Variants in BASP1 observed in about 807,000 individuals in gnomAD.
The protein encoded by BASP1 is brain abundant membrane attached signal protein 1, also known as brain acid soluble protein 1.
BASP1 carries 1 observed loss-of-function variant against 2.2 expected under a neutral mutation model. The ratio of observed to expected loss-of-function variants is 0.46; its 90% CI spans 0.16 to 2.17. The LOEUF is 2.17. Ranked by LOEUF, BASP1 falls within the 30% of genes most tolerant of loss-of-function variation. The pLI, the probability that BASP1 is intolerant of heterozygous loss-of-function variation, is 0.27. For missense variants in BASP1, 352 were observed against 327.2 expected, an observed-to-expected ratio of 1.08 and a Z score of -0.58; for synonymous variants, 187 against 154.2, an observed-to-expected ratio of 1.21 and a Z score of -1.58.
intron 1 of BASP1, among the ~76,000 whole-genome samples, chr5:17,229,172 G>C: frequency 6.6e-6 from 1 of 152,326 alleles, no homozygotes; most frequent in Middle Eastern, 3.4e-3. Context: ...TTAGTGTGAG[G>C]TTTAACTGGC....
chr5:17,236,826 A>G lies in BASP1; in HGVS notation c.-10+19016A>G, dbSNP rs566568520. Among the ~76,000 whole-genome samples, 1 of 152,354 alleles carries G rather than the reference A, an allele frequency of 6.6e-6. No homozygotes were observed. The highest frequency in any genetic ancestry group is 2.4e-5 in the African/African-American group (1 of 41,590). On this transcript the variant is annotated intron_variant, in intron 1 of 1. Coordinates refer to ENST00000322611, the MANE Select transcript of BASP1 (RefSeq NM_006317.5). This position sits in a 1 kb window ranked among gnomAD's most constrained non-coding sequence, Gnocchi z 4.0. ...TATCTTAAGGGAAAAAAATGTTTTT[A>G]GTACTTTTCTTGGTATCTTCTAATC...
intron 1 of BASP1, among the ~76,000 whole-genome samples, chr5:17,230,736 G>A (rs939012167): frequency 1.3e-5 from 2 of 151,896 alleles, no homozygotes; most frequent in African/African-American, 2.4e-5. Flanking sequence ...GCTAATTTTT[G>A]TCTTTTGTTT....
chr5:17,264,432 A>G (rs1350662074), intron 1 of BASP1, among the ~76,000 whole-genome samples: 1 of 152,218 alleles, frequency 6.6e-6, no homozygotes, highest in East Asian at 1.9e-4. Flanking sequence ...TGTTACTTAA[A>G]AAAAATTGTT....
At chr5:17,231,478 C>A (rs532099493) in intron 1 of BASP1, among the ~76,000 whole-genome samples, 1 of 152,232 alleles carries the variant, frequency 6.6e-6, no homozygotes, top group East Asian at 1.9e-4. Flanking sequence ...AATAAAACAC[C>A]GGCTCTCAGC....
At position 17,226,513 on chromosome 5, in the gene BASP1, C is replaced by T. The variant is rs571964258; in HGVS notation, c.-10+8703C>T. Among the ~76,000 whole-genome samples the T allele has an allele frequency of 1.6e-4, 25 of 152,290 alleles. No individual in the cohort carries two copies. The South Asian group carries it at 3.5e-3, about 21-fold the overall frequency. ...GTATCAAAAGGGGGAAAACAGTATC[C>T]ACTGACAGAGAGAACTAGCTGTTTC... On this transcript the variant is annotated intron_variant, in intron 1 of 1. Transcript: ENST00000322611.
At position 17,275,188 on chromosome 5, in the gene BASP1, T is replaced by C. The variant is rs1740607493; in HGVS notation, c.-9-20T>C. On this transcript the variant is annotated intron_variant, in intron 1 of 1. Transcript: ENST00000322611. The surrounding 1 kb of genome is among the most constrained non-coding windows in gnomAD (Gnocchi z 5.3). ...TTGCCTAGTAACCGCCGTTTTGTTTTGTTTTGTGTTTGCTTCCAGAACTCC... is the reference window on the plus strand; with the variant it reads ...TTGCCTAGTAACCGCCGTTTTGTTTCGTTTTGTGTTTGCTTCCAGAACTCC... The C allele has an allele frequency of 1.2e-6, 2 of 1,610,966 alleles. No homozygotes were observed. Among genetic ancestry groups the C allele is most frequent in the Non-Finnish European group, 8.5e-7 (1 of 1,179,194 alleles).
At chr5:17,258,685 C>G (rs1172400609) in intron 1 of BASP1, among the ~76,000 whole-genome samples, 1 of 152,166 alleles carries the variant, frequency 6.6e-6, no homozygotes, top group Non-Finnish European at 1.5e-5. Context: ...ATCCCCAAGT[C>G]TGGGGATGAA....
At chr5:17,269,769 C>T (rs1740493465) in intron 1 of BASP1, among the ~76,000 whole-genome samples, 1 of 152,160 alleles carries the variant, frequency 6.6e-6, no homozygotes, top group Non-Finnish European at 1.5e-5. Flanking sequence ...AACAAAATGA[C>T]ATTTGACAAT....
intron 1 of BASP1, among the ~76,000 whole-genome samples, chr5:17,256,755 C>G (rs993368599): frequency 1.3e-5 from 2 of 152,132 alleles, no homozygotes; most frequent in African/African-American, 4.8e-5. Context: ...GAGTGATTCT[C>G]TAAGCCTATA....
At chr5:17,263,878 G>A (rs1041004484) in intron 1 of BASP1, among the ~76,000 whole-genome samples, 1 of 152,170 alleles carries the variant, frequency 6.6e-6, no homozygotes, top group African/African-American at 2.4e-5. Context: ...TTAGACATGG[G>A]TTGGCACCTC....
chr5:17,250,243 G>A (rs964797146), intron 1 of BASP1, among the ~76,000 whole-genome samples: 2 of 152,142 alleles, frequency 1.3e-5, no homozygotes, highest in Non-Finnish European at 2.9e-5. Flanking sequence ...CACCGCGCCC[G>A]GCCCTGATTT....
At chr5:17,239,519 G>C (rs1322351809) in intron 1 of BASP1, among the ~76,000 whole-genome samples, 2 of 152,186 alleles carry the variant, frequency 1.3e-5, no homozygotes, top group African/African-American at 4.8e-5. Context: ...ACATGGAACA[G>C]AAGGCCATAT....
chr5:17,248,053 C>T (rs1740029838), intron 1 of BASP1, among the ~76,000 whole-genome samples: 1 of 152,202 alleles, frequency 6.6e-6, no homozygotes, highest in Non-Finnish European at 1.5e-5. Context: ...CATTTCCATT[C>T]AAACACTTGA....
At chr5:17,247,836 A>G (rs1285978844) in intron 1 of BASP1, among the ~76,000 whole-genome samples, 1 of 152,228 alleles carries the variant, frequency 6.6e-6, no homozygotes, top group African/African-American at 2.4e-5. Context: ...CAGAGGATAA[A>G]TGTACTGCAG....
intron 1 of BASP1, among the ~76,000 whole-genome samples, chr5:17,256,095 G>C (rs1317389370): frequency 2.6e-5 from 4 of 152,158 alleles, no homozygotes; most frequent in Non-Finnish European, 5.9e-5. Flanking sequence ...TGCATGACTT[G>C]CCTGCACCCC....
chr5:17,255,897 G>A (rs1046716489), intron 1 of BASP1, among the ~76,000 whole-genome samples: 9 of 152,072 alleles, frequency 5.9e-5, no homozygotes, highest in Non-Finnish European at 7.4e-5. Context: ...ATTTAGCAAC[G>A]TCCTGCACAC....
chr5:17,265,870 A>G (rs916729513), intron 1 of BASP1, among the ~76,000 whole-genome samples: 1 of 152,226 alleles, frequency 6.6e-6, no homozygotes, highest in African/African-American at 2.4e-5. Context: ...CCCAAACCCA[A>G]AGAATGCATA....
chr5:17,218,922 C>G lies in BASP1; in HGVS notation c.-10+1112C>G, dbSNP rs564091210. ...CCTTGAAACGAACTCGGTGGACAGCCCTTGCCCATGTAATTCTCACTCTGC... is the reference window on the plus strand; with the variant it reads ...CCTTGAAACGAACTCGGTGGACAGCGCTTGCCCATGTAATTCTCACTCTGC... On this transcript the variant is annotated intron_variant, in intron 1 of 1. Coordinates refer to ENST00000322611, the MANE Select transcript of BASP1 (RefSeq NM_006317.5). 8.5e-5 allele frequency among the ~76,000 whole-genome samples: 13 copies of G among 152,212 alleles called. No homozygotes were observed. In the East Asian group the frequency reaches 2.1e-3, roughly 25 times the overall value.
intron 1 of BASP1, among the ~76,000 whole-genome samples, chr5:17,218,627 C>G (rs922757524): frequency 1.3e-5 from 2 of 152,102 alleles, no homozygotes; most frequent in East Asian, 1.9e-4. Flanking sequence ...GGGCTTGAAC[C>G]TGACAGCGCG....
Sources: allele counts gnomAD v4.1 joint callset (sites outside exome capture counted in the v4.1 genomes callset), GRCh38; gene constraint gnomAD v4.1.1; non-coding constraint Gnocchi (gnomAD v3.1); transcripts MANE v1.5; gene names NCBI Gene and HGNC (gene_info 2026-07-23, HGNC 2026-07-21).